Variants in BBX observed in about 807,000 individuals in gnomAD.
The protein encoded by BBX is HMG box transcription factor BBX.
Under a neutral mutation model 100.2 loss-of-function variants are expected in BBX, and 30 were observed. The observed-to-expected ratio is 0.30, with a 90% CI of 0.22 to 0.41. The LOEUF (loss-of-function observed/expected upper bound fraction) is 0.41, where lower values mean the gene tolerates loss of function less well. BBX is among the 10% of genes least tolerant of loss of function. BBX has a pLI of 1.00. For synonymous variants in BBX, 376 were observed against 388.1 expected (o/e 0.97, Z 0.37); for missense variants, 1,023 against 1,129.8 (o/e 0.91, Z 1.35).
At chr3:107,770,082 A>G (rs1417904536) in intron 10 of BBX, among the ~76,000 whole-genome samples, 1 of 152,250 alleles carries the variant, frequency 6.6e-6, no homozygotes, top group Non-Finnish European at 1.5e-5. Context: ...AATTACCTAC[A>G]CAAGAAATAT....
In BBX at chr3:107,773,703, GA is replaced by G; in HGVS notation, c.1915+71del. The G allele has an allele frequency of 7.2e-7, 1 of 1,383,644 alleles. No individual in the cohort carries two copies. The highest frequency in any genetic ancestry group is 2.4e-5 in the East Asian group (1 of 42,412). The allele number at this position is 1,383,644 out of a possible 1,614,324, so 85.7% of individuals were successfully genotyped here. ...ACAGAATTTCACCTTTAGACCTATT[GA>G]AAACAACTGCCATAAAAAACAATAT... is the stretch of plus-strand genomic sequence containing the variant. On this transcript the variant is annotated intron_variant, in intron 11 of 17. Coordinates refer to ENST00000325805, the MANE Select transcript of BBX (RefSeq NM_001142568.3). This position sits in a 1 kb window ranked among gnomAD's most constrained non-coding sequence, Gnocchi z 4.1.
At chr3:107,763,301 T>A (rs2066062112) in intron 10 of BBX, among the ~76,000 whole-genome samples, 2 of 151,384 alleles carry the variant, frequency 1.3e-5, no homozygotes, top group Non-Finnish European at 2.9e-5. Flanking sequence ...CTCGGCTCAC[T>A]GCAAGCTCCG....
chr3:107,748,124 G>A, intron 9 of BBX, 85 bp downstream of exon 9: 1 of 1,151,188 alleles, frequency 8.7e-7, no homozygotes, highest in Non-Finnish European at 1.3e-6. Flanking sequence ...AATGTATAGT[G>A]AACTTTAGGC....
intron 2 of BBX, among the ~76,000 whole-genome samples, chr3:107,615,574 G>A (rs1428688103): frequency 4.6e-5 from 7 of 151,964 alleles, no homozygotes; most frequent in African/African-American, 1.4e-4. Flanking sequence ...TACCTCAAAG[G>A]TTCAACTCCA....
At chr3:107,605,010 C>CT (rs1559864353) in intron 2 of BBX, among the ~76,000 whole-genome samples, 1 of 152,154 alleles carries the variant, frequency 6.6e-6, no homozygotes, top group African/African-American at 2.4e-5. Flanking sequence ...TAAGAATTTA[C>CT]TTGACTGCGT....
chr3:107,716,493 T>G, intron 4 of BBX, 114 bp from the exon 5 acceptor site: 1 of 1,267,496 alleles, frequency 7.9e-7, no homozygotes, highest in Admixed American at 2.3e-5. Context: ...TTTCAATGTG[T>G]AAGTTGTTTA....
intron 2 of BBX, among the ~76,000 whole-genome samples, chr3:107,624,951 G>C (rs1412294478): frequency 6.6e-6 from 1 of 152,158 alleles, no homozygotes; most frequent in Non-Finnish European, 1.5e-5. Flanking sequence ...TGGTAATTAG[G>C]CTGGTTATAA....
At chr3:107,662,784 C>T (rs559601629) in intron 3 of BBX, 1 of 151,428 alleles carries the variant, frequency 6.6e-6, no homozygotes, top group African/African-American at 2.4e-5. Flanking sequence ...AGCTTTTAAA[C>T]GTTGGGCAAT....
chr3:107,570,316 C>T (rs1285481328), intron 2 of BBX, among the ~76,000 whole-genome samples: 3 of 151,948 alleles, frequency 2.0e-5, no homozygotes, highest in African/African-American at 7.3e-5. Flanking sequence ...GTTTGAGGGC[C>T]GGAATCTAAT....
intron 2 of BBX, among the ~76,000 whole-genome samples, chr3:107,597,452 T>C (rs899006952): frequency 6.6e-6 from 1 of 152,184 alleles, no homozygotes; most frequent in Non-Finnish European, 1.5e-5. Flanking sequence ...AATACAGTTT[T>C]ACTAGAAATT....
intron 2 of BBX, among the ~76,000 whole-genome samples, chr3:107,534,154 G>T (rs583593): frequency 6.6e-6 from 1 of 151,954 alleles, no homozygotes; most frequent in African/African-American, 2.4e-5. Flanking sequence ...TATTGATAGG[G>T]CTTTCATTAT....
intron 2 of BBX, among the ~76,000 whole-genome samples, chr3:107,528,173 G>A (rs890285931): frequency 2.6e-5 from 4 of 152,140 alleles, no homozygotes; most frequent in African/African-American, 7.2e-5. Context: ...ACAATGAATT[G>A]CCAGTTATTG....
At chr3:107,737,884 GTTTTTTTTTTT>G (rs1156396951) in intron 7 of BBX, among the ~76,000 whole-genome samples, 30 of 48,902 alleles carry the variant, frequency 6.1e-4, no homozygotes, top group South Asian at 3.1e-3. Context: ...CAGAGTTCCA[GTTTTTTTTTTT>G]TTTTTTTTTT....
intron 2 of BBX, among the ~76,000 whole-genome samples, chr3:107,566,175 C>CAAAAAA (rs754905445): frequency 1.1e-4 from 6 of 53,048 alleles, no homozygotes; most frequent in African/African-American, 3.6e-4. Context: ...AACTCTGTCT[C>CAAAAAA]AAAAAAAAAA....
chr3:107,548,164 A>G (rs2049380440), intron 2 of BBX, among the ~76,000 whole-genome samples: 1 of 152,228 alleles, frequency 6.6e-6, no homozygotes, highest in South Asian at 2.1e-4. Flanking sequence ...CTGTGTCAGT[A>G]TGAACAAGGC....
chr3:107,726,765 G>A (rs2062975939), intron 5 of BBX, among the ~76,000 whole-genome samples: 1 of 152,002 alleles, frequency 6.6e-6, no homozygotes. Flanking sequence ...GTAAACTGTG[G>A]ACTGTAAGCA....
chr3:107,743,673 A>T (rs1361565349), intron 7 of BBX, among the ~76,000 whole-genome samples: 1 of 152,224 alleles, frequency 6.6e-6, no homozygotes, highest in Non-Finnish European at 1.5e-5. Flanking sequence ...GGTAACTAGT[A>T]GCTCTTTCCA....
At chr3:107,685,015 G>T (rs2059769771) in intron 3 of BBX, among the ~76,000 whole-genome samples, 2 of 152,164 alleles carry the variant, frequency 1.3e-5, no homozygotes, top group African/African-American at 2.4e-5. Flanking sequence ...CAATTTTGTG[G>T]TAATTTTGTG....
chr3:107,723,996 A>G (rs2062734303), intron 5 of BBX, among the ~76,000 whole-genome samples: 1 of 152,242 alleles, frequency 6.6e-6, no homozygotes, highest in South Asian at 2.1e-4. Flanking sequence ...ACTGTCTTCC[A>G]CAATGGATGA....
Sources: gnomAD v4.1 joint callset for allele counts (sites outside exome capture counted in the v4.1 genomes callset) on GRCh38, gnomAD v4.1.1 for gene constraint, Gnocchi (gnomAD v3.1) non-coding constraint, MANE v1.5 for transcripts, NCBI Gene and HGNC (gene_info 2026-07-23, HGNC 2026-07-21) for gene names.